The following ZNF804B variants were observed in gnomAD, a reference collection of about 807,000 sequenced individuals.
The protein encoded by ZNF804B is zinc finger 804B.
Under a neutral mutation model 101.4 loss-of-function variants are expected in ZNF804B, and 80 were observed. That is an observed-to-expected ratio of 0.79 (90% confidence interval 0.66 to 0.95). The LOEUF (loss-of-function observed/expected upper bound fraction) is 0.95, where lower values mean the gene tolerates loss of function less well. Among genes scored for constraint, ZNF804B ranks in the 40% least tolerant of loss-of-function variants. ZNF804B has a pLI of 0.00. For synonymous variants in ZNF804B, 622 were observed against 558.8 expected (o/e 1.11, Z -1.59); for missense variants, 1,673 against 1,561.9 (o/e 1.07, Z -1.20).
chr7:88,788,487 G>A (rs1437412873), intron 1 of ZNF804B, among the ~76,000 whole-genome samples: 4 of 152,044 alleles, frequency 2.6e-5, no homozygotes, highest in Non-Finnish European at 4.4e-5. Flanking sequence ...ACTGACCACC[G>A]AATGTAAACC....
At chr7:89,039,327 T>C (rs1242555046) in intron 1 of ZNF804B, among the ~76,000 whole-genome samples, 1 of 152,056 alleles carries the variant, frequency 6.6e-6, no homozygotes, top group Non-Finnish European at 1.5e-5. Flanking sequence ...TTAATTCTTC[T>C]AATCAATTAA....
At chr7:89,253,696 G>T (rs1789577669) in intron 2 of ZNF804B, among the ~76,000 whole-genome samples, 2 of 151,664 alleles carry the variant, frequency 1.3e-5, no homozygotes, top group South Asian at 4.2e-4. Context: ...AAAGAAAGAC[G>T]ACAGAAACAG....
intron 1 of ZNF804B, among the ~76,000 whole-genome samples, chr7:89,060,310 G>T (rs1218506122): frequency 6.6e-6 from 1 of 152,114 alleles, no homozygotes; most frequent in Admixed American, 6.6e-5. Context: ...TCTTCTTACT[G>T]TATTCCTTAC....
At chr7:88,905,230 G>A (rs1792450703) in intron 1 of ZNF804B, among the ~76,000 whole-genome samples, 1 of 152,152 alleles carries the variant, frequency 6.6e-6, no homozygotes, top group African/African-American at 2.4e-5. Context: ...TTTTAATCCT[G>A]TGTATGTGCT....
intron 1 of ZNF804B, among the ~76,000 whole-genome samples, chr7:88,806,523 G>T (rs1790695389): frequency 6.6e-6 from 1 of 151,928 alleles, no homozygotes; most frequent in African/African-American, 2.4e-5. Flanking sequence ...GCCTGGCCTA[G>T]TCATTGTTAT....
At chr7:89,256,540 CAAA>C (rs71526639) in intron 2 of ZNF804B, among the ~76,000 whole-genome samples, 2 of 118,856 alleles carry the variant, frequency 1.7e-5, no homozygotes, top group Non-Finnish European at 3.6e-5. Context: ...GCAAGACTGT[CAAA>C]AAAAAAAAAA....
intron 1 of ZNF804B, among the ~76,000 whole-genome samples, chr7:88,950,285 A>G (rs1013766189): frequency 1.3e-5 from 2 of 151,930 alleles, no homozygotes; most frequent in African/African-American, 4.8e-5. Flanking sequence ...TAATTAATTT[A>G]ATTAGATTGT....
chr7:89,191,783 A>C (rs555139097), intron 1 of ZNF804B, among the ~76,000 whole-genome samples: 1 of 152,252 alleles, frequency 6.6e-6, no homozygotes, highest in Non-Finnish European at 1.5e-5. Flanking sequence ...GGAGAAAATT[A>C]ATTGCCTGAG....
intron 1 of ZNF804B, among the ~76,000 whole-genome samples, chr7:89,164,806 T>C (rs537945070): frequency 6.6e-6 from 1 of 152,210 alleles, no homozygotes; most frequent in Admixed American, 6.5e-5. Context: ...TAAAATAATA[T>C]CTGTAAACTT....
chr7:88,975,057 C>A (rs1211990255), intron 1 of ZNF804B, among the ~76,000 whole-genome samples: 1 of 151,486 alleles, frequency 6.6e-6, no homozygotes, highest in Non-Finnish European at 1.5e-5. Flanking sequence ...TGGCTTATTT[C>A]ACTTAAAATA....
At chr7:88,871,998 A>G (rs1273476432) in intron 1 of ZNF804B, among the ~76,000 whole-genome samples, 1 of 152,048 alleles carries the variant, frequency 6.6e-6, no homozygotes, top group Non-Finnish European at 1.5e-5. Context: ...AAGTGAAAGT[A>G]GTAATATGTA....
At chr7:89,043,560 A>T (rs1789052875) in intron 1 of ZNF804B, among the ~76,000 whole-genome samples, 1 of 152,336 alleles carries the variant, frequency 6.6e-6, no homozygotes, top group African/African-American at 2.4e-5. Flanking sequence ...AGCATCAGCC[A>T]TAAAATGTCA....
intron 1 of ZNF804B, among the ~76,000 whole-genome samples, chr7:88,832,762 G>A (rs750855837): frequency 1.3e-5 from 2 of 151,888 alleles, no homozygotes; most frequent in South Asian, 2.1e-4. Context: ...CCCTTAGGCC[G>A]AACCTAGCCT....
chr7:88,875,813 G>A (rs1214688138), intron 1 of ZNF804B, among the ~76,000 whole-genome samples: 2 of 152,140 alleles, frequency 1.3e-5, no homozygotes, highest in African/African-American at 4.8e-5. Context: ...CATTTTATGA[G>A]GCCAGCATCG....
chr7:89,050,656 AC>A (rs1384597374), intron 1 of ZNF804B, among the ~76,000 whole-genome samples: 1 of 152,194 alleles, frequency 6.6e-6, no homozygotes, highest in Admixed American at 6.5e-5. Flanking sequence ...ATCGTCATCT[AC>A]CAGGGTCTTA....
chr7:88,973,399 G>T (rs1364947324), intron 1 of ZNF804B, among the ~76,000 whole-genome samples: 2 of 151,174 alleles, frequency 1.3e-5, no homozygotes, highest in Non-Finnish European at 3.0e-5. Flanking sequence ...GCCAATCCTG[G>T]TATGTTTTCT....
rs562217894 is a variant in ZNF804B at position 88,831,502 on chromosome 7, G to C, written c.108+71418G>C. Among the ~76,000 whole-genome samples the C allele has an allele frequency of 2.2e-3, 262 of 116,554 alleles. 1 individual carries two copies. Among genetic ancestry groups the C allele is most frequent in the African/African-American group, 9.1e-3 (253 of 27,798 alleles). 76.5% of individuals were successfully genotyped at this position (116,554 alleles called of 152,430 possible). ...TTCATTTCCTAAAGATAAATTTTGA[G>C]AAATCAAATTGTTTGGTCAAGGACT... is the stretch of plus-strand genomic sequence containing the variant. On this transcript the variant is annotated intron_variant, in intron 1 of 3. Coordinates refer to ENST00000333190, the MANE Select transcript of ZNF804B (RefSeq NM_181646.5).
chr7:89,128,502 GT>G (rs1267681818), intron 1 of ZNF804B, among the ~76,000 whole-genome samples: 1 of 151,812 alleles, frequency 6.6e-6, no homozygotes, highest in Admixed American at 6.6e-5. Context: ...TAACAAGAAT[GT>G]TTTTTTCTTT....
chr7:88,800,464 G>C lies in ZNF804B; in HGVS notation c.108+40380G>C, dbSNP rs149448507. ...TACTATTTGTAGAAAAATGTGCCAGGCTCTATGGAAATATTCTTGTGAATC... is the reference window on the plus strand; with the variant it reads ...TACTATTTGTAGAAAAATGTGCCAGCCTCTATGGAAATATTCTTGTGAATC... On this transcript the variant is annotated intron_variant, in intron 1 of 3. Transcript: ENST00000333190. Among the ~76,000 whole-genome samples the C allele has an allele frequency of 9.9e-5, 15 of 152,094 alleles. No individual in the cohort carries two copies. In the East Asian group the frequency reaches 1.9e-3, roughly 20 times the overall value.
Sources: allele counts gnomAD v4.1 joint callset (sites outside exome capture counted in the v4.1 genomes callset), GRCh38; gene constraint gnomAD v4.1.1; transcripts MANE v1.5; gene names NCBI Gene and HGNC (gene_info 2026-07-23, HGNC 2026-07-21).